PSIP1: variants seen among roughly 807,000 people sequenced by gnomAD.
PSIP1 encodes PC4 and SFRS1-interacting protein.
Under a neutral mutation model 74.7 loss-of-function variants are expected in PSIP1, and 19 were observed. The observed-to-expected ratio is 0.25, with a 90% CI of 0.18 to 0.37. The LOEUF (loss-of-function observed/expected upper bound fraction) is 0.37. PSIP1 is among the 10% of genes least tolerant of loss of function. The probability of loss-of-function intolerance (pLI) is 1.00; values close to 1 mark genes in which losing one functional copy is unlikely to be tolerated. For missense variants in PSIP1, 601 were observed against 614.3 expected (o/e 0.98, Z 0.23); for synonymous variants, 222 against 195.3 (o/e 1.14, Z -1.14).
At chr9:15,477,017 G>T (rs1375607234) in intron 8 of PSIP1, among the ~76,000 whole-genome samples, 1 of 152,172 alleles carries the variant, frequency 6.6e-6, no homozygotes, top group Non-Finnish European at 1.5e-5. Flanking sequence ...AACGGAGTGG[G>T]AAGCATACTC....
intron 14 of PSIP1, 30 bp downstream of exon 14, chr9:15,468,600 G>T (rs1443405570): frequency 6.3e-7 from 1 of 1,595,092 alleles, no homozygotes; most frequent in Non-Finnish European, 8.6e-7. Flanking sequence ...TTAAAAACTG[G>T]TGTGAAATTG....
rs1268457473 is a variant in PSIP1, at chr9:15,497,344, G to GAC, written c.150-7222_150-7221dup. ...TGATTCCTTTTTTTTTTTTTTTTGA[G>GAC]ACAGAGTCTTGCTCTGTCACTCAGG... is the stretch of plus-strand genomic sequence containing the variant. On this transcript the variant is annotated intron_variant, in intron 3 of 15. Coordinates refer to ENST00000380733, the MANE Select transcript of PSIP1 (RefSeq NM_033222.5). 5.6e-5 allele frequency among the ~76,000 whole-genome samples: 5 copies of GAC among 88,874 alleles called. No individual in the cohort carries two copies. In the African/African-American group the frequency reaches 7.6e-4, roughly 14 times the overall value. The allele number at this position is 88,874 out of a possible 152,430, so 58.3% of individuals were successfully genotyped here.
intron 6 of PSIP1, among the ~76,000 whole-genome samples, chr9:15,484,676 G>A (rs1447964826): frequency 5.9e-5 from 9 of 151,638 alleles, no homozygotes; most frequent in Non-Finnish European, 1.2e-4. Flanking sequence ...GCAGTGAGCC[G>A]AGATGGCGCC....
intron 3 of PSIP1, among the ~76,000 whole-genome samples, chr9:15,490,799 C>T (rs1345587713): frequency 2.0e-5 from 3 of 151,326 alleles, no homozygotes; most frequent in Non-Finnish European, 4.4e-5. Flanking sequence ...TATAGTTTCA[C>T]TTCAAAATAA....
intron 3 of PSIP1, among the ~76,000 whole-genome samples, chr9:15,499,704 T>A (rs2037242482): frequency 1.3e-5 from 2 of 152,264 alleles, no homozygotes; most frequent in South Asian, 2.1e-4. Context: ...TGAAACCCCA[T>A]TTCTACTGAA....
At chr9:15,509,756 T>C (rs1259476098) in intron 2 of PSIP1, among the ~76,000 whole-genome samples, 2 of 152,232 alleles carry the variant, frequency 1.3e-5, no homozygotes, top group African/African-American at 2.4e-5. Context: ...TGATATTTTG[T>C]ACTTGATCCA....
chr9:15,465,692 C>T (rs1476126141), intron 15 of PSIP1, 112 bp from the exon 16 acceptor site: 2 of 843,490 alleles, frequency 2.4e-6, no homozygotes, highest in Admixed American at 2.8e-5. Context: ...CTGAAACCAA[C>T]CAAACAAAAG....
At chr9:15,467,358 C>T (rs540650467) in intron 14 of PSIP1, among the ~76,000 whole-genome samples, 1 of 152,256 alleles carries the variant, frequency 6.6e-6, no homozygotes, top group East Asian at 1.9e-4. Flanking sequence ...TCTAAGGGGA[C>T]CCATGTCATT....
intron 10 of PSIP1, chr9:15,471,126 T>G: frequency 6.2e-7 from 1 of 1,601,622 alleles, no homozygotes. Context: ...ATCAAGATCT[T>G]CATCTCTTGT....
intron 10 of PSIP1, chr9:15,470,553 A>G (rs2035779936): frequency 1.1e-6 from 1 of 906,078 alleles, no homozygotes; most frequent in Non-Finnish European, 1.3e-6. Context: ...TGAAATCTTA[A>G]TTTCTAGTAC....
At chr9:15,506,498 G>T in intron 3 of PSIP1, 63 bp downstream of exon 3, 1 of 1,168,166 alleles carries the variant, frequency 8.6e-7, no homozygotes, top group Non-Finnish European at 1.3e-6. Context: ...TTGAATTAAT[G>T]TCTACTGCCT....
chr9:15,487,893 C>G (rs764593496), intron 4 of PSIP1, among the ~76,000 whole-genome samples: 1 of 152,094 alleles, frequency 6.6e-6, no homozygotes, highest in Non-Finnish European at 1.5e-5. Flanking sequence ...CAAGTAAGTA[C>G]TGGGAAGTAA....
At chr9:15,471,499 CAAT>C in intron 10 of PSIP1, 2 of 973,472 alleles carry the variant, frequency 2.1e-6, no homozygotes, top group Non-Finnish European at 2.4e-6. Context: ...TTTGAGATCA[CAAT>C]AAAGTCAAAA....
At chr9:15,478,105 C>T (rs900797271) in intron 8 of PSIP1, among the ~76,000 whole-genome samples, 39 of 131,580 alleles carry the variant, frequency 3.0e-4, no homozygotes, top group Admixed American at 1.6e-3. Context: ...CCAGCCTGGG[C>T]GACAGAGTGA....
chr9:15,477,281 A>C (rs1034101905), intron 8 of PSIP1, among the ~76,000 whole-genome samples: 1 of 152,226 alleles, frequency 6.6e-6, no homozygotes, highest in African/African-American at 2.4e-5. Context: ...GTACGTATAC[A>C]CTGTGGAATG....
chr9:15,471,092 G>A, intron 10 of PSIP1: 3 of 1,547,614 alleles, frequency 1.9e-6, no homozygotes, highest in Non-Finnish European at 1.7e-6. Flanking sequence ...GGGGGAAGGG[G>A]GAAATTCAGT....
Position 15,469,948 on chromosome 9 carries a change from C to G in PSIP1, c.1023G>C (p.Glu341Asp), listed in dbSNP as rs1237723354. 1 of 1,607,700 alleles carries G rather than the reference C, an allele frequency of 6.2e-7. No individual in the cohort carries two copies. Among genetic ancestry groups the G allele is most frequent in the South Asian group, 1.1e-5 (1 of 90,982 alleles). The change falls in exon 11 of 16, where the codon GAG becomes GAC. Residue 341 changes from glutamate to aspartate, a missense_variant. Glu to Asp is a conservative substitution (Grantham distance 45, BLOSUM62 2). Transcript: ENST00000380733. ...AGTGAAATAACTAACCTCGCTTCTT[C>G]TCCACTTTCTTAACTTCTGGCTTCT... Reference protein sequence around the residue: ...EGKKPEVKKVEKKRETSMDSR... With the variant: ...EGKKPEVKKVDKKRETSMDSR...
In PSIP1 at chr9:15,474,062, C is replaced by A; in HGVS notation, c.805G>T (p.Val269Phe). The A allele has an allele frequency of 1.2e-6, 2 of 1,613,556 alleles. No homozygotes were observed. Among genetic ancestry groups the A allele is most frequent in the Non-Finnish European group, 1.7e-6 (2 of 1,179,894 alleles). Residue 269 changes from valine (V) to phenylalanine (F), a missense_variant, in exon 9 of 16, where the codon GTT becomes TTT. Transcript: ENST00000380733. Reference sequence around the variant, plus strand: ...TCTTCAGAATCGGAGGTTGAAGTAACCCCTGTTTTAGCTAAATTTTTCCTT... The same window carrying A: ...TCTTCAGAATCGGAGGTTGAAGTAAACCCTGTTTTAGCTAAATTTTTCCTT... ...SKRKNLAKTG[V>F]TSTSDSEEEG...
At chr9:15,489,577 C>T (rs2036728619) in intron 4 of PSIP1, 1 of 135,878 alleles carries the variant, frequency 7.4e-6, no homozygotes, top group East Asian at 2.1e-4. Flanking sequence ...CATTGCACTC[C>T]AGCCTGGGCA....
Sources: allele counts gnomAD v4.1 joint callset (sites outside exome capture counted in the v4.1 genomes callset), GRCh38; gene constraint gnomAD v4.1.1; transcripts MANE v1.5; gene names NCBI Gene and HGNC (gene_info 2026-07-23, HGNC 2026-07-21).